SNX1: variants seen among roughly 807,000 people sequenced by gnomAD.
The protein encoded by SNX1 is sorting nexin 1, also known as sorting nexin-1.
In SNX1, 36 loss-of-function variants were observed where a neutral mutation model predicts 71.8. The observed-to-expected ratio is 0.50, with a 90% CI of 0.38 to 0.66. The LOEUF (loss-of-function observed/expected upper bound fraction) is 0.66. Among genes scored for constraint, SNX1 ranks in the 30% least tolerant of loss-of-function variants. SNX1 has a pLI of 0.00. For missense variants in SNX1, 612 were observed against 646.7 expected (o/e 0.95, Z 0.58); for synonymous variants, 254 against 240.7 (o/e 1.06, Z -0.51).
intron 2 of SNX1, 86 bp downstream of exon 2, chr15:64,112,770 A>C: frequency 1.3e-6 from 1 of 775,950 alleles, no homozygotes; most frequent in Non-Finnish European, 2.1e-6. Context: ...AAAAAAAAAA[A>C]AAGTATTGGG....
At chr15:64,131,031 T>C (rs1178359730) in intron 10 of SNX1, among the ~76,000 whole-genome samples, 1 of 152,206 alleles carries the variant, frequency 6.6e-6, no homozygotes, top group Non-Finnish European at 1.5e-5. Flanking sequence ...ACGCCTGTAA[T>C]CCCAGCAATT....
chr15:64,099,990 G>A (rs907865018), intron 1 of SNX1, among the ~76,000 whole-genome samples: 2 of 152,228 alleles, frequency 1.3e-5, no homozygotes, highest in Admixed American at 6.5e-5. Context: ...GGGATTACAG[G>A]CATGAGCCAC....
rs60616312 is a variant in SNX1, at chr15:64,102,761, C to CTTTTTTT, written c.159+6608_159+6614dup. Among the ~76,000 whole-genome samples, 34 of 76,426 alleles carry CTTTTTTT rather than the reference C, an allele frequency of 4.4e-4. 1 individual carries two copies. The highest frequency in any genetic ancestry group is 1.3e-3 in the South Asian group (2 of 1,596). The allele number at this position is 76,426 out of a possible 152,430, so 50.1% of individuals were successfully genotyped here. A position where few individuals can be genotyped will look rare whatever the true frequency, so the allele number is the denominator to read the frequency against. ...CCATTTTGTATATATACCACGCCTT[C>CTTTTTTT]TTTTTTTTTTTTTTTTTTTTTTTTT... On this transcript the variant is annotated intron_variant, in intron 1 of 14. Transcript: ENST00000559844.
Position 64,134,385 on chromosome 15 carries a change from T to C in SNX1, c.1222-279T>C, listed in dbSNP as rs2081336190. On this transcript the variant is annotated intron_variant, in intron 11 of 14. Coordinates refer to ENST00000559844, the MANE Select transcript of SNX1 (RefSeq NM_003099.5). This position sits in a 1 kb window ranked among gnomAD's most constrained non-coding sequence, Gnocchi z 4.1. ...GGAGGCACTTCTGTAAGCCATAGTA[T>C]TGGTCACTGGCATGAGGCCACCTAC... 3 of 420,272 alleles carry C rather than the reference T, an allele frequency of 7.1e-6. No individual in the cohort carries two copies. The highest frequency in any genetic ancestry group is 4.4e-5 in the East Asian group (1 of 22,826). The allele number at this position is 420,272 out of a possible 1,614,324, so 26.0% of individuals were successfully genotyped here. A position where few individuals can be genotyped will look rare whatever the true frequency, so the allele number is the denominator to read the frequency against.
intron 5 of SNX1, among the ~76,000 whole-genome samples, chr15:64,123,823 T>A (rs2140150090): frequency 6.6e-6 from 1 of 152,262 alleles, no homozygotes; most frequent in South Asian, 2.1e-4. Flanking sequence ...AACCATGTGG[T>A]TTGGAGCTAG....
chr15:64,123,841 G>T (rs1185581170), intron 5 of SNX1, among the ~76,000 whole-genome samples: 1 of 152,196 alleles, frequency 6.6e-6, no homozygotes, highest in Non-Finnish European at 1.5e-5. Flanking sequence ...TAGATTCACA[G>T]ATTGCCCTAA....
At chr15:64,119,755 A>AC (rs1567324958) in intron 4 of SNX1, among the ~76,000 whole-genome samples, 18 of 144,632 alleles carry the variant, frequency 1.2e-4, no homozygotes, top group African/African-American at 2.9e-4. Flanking sequence ...CACACACACA[A>AC]AAAACATTAT....
chr15:64,127,364 T>C (rs2081264570), intron 7 of SNX1, 112 bp downstream of exon 7: 1 of 822,106 alleles, frequency 1.2e-6, no homozygotes, highest in Admixed American at 2.8e-5. Context: ...GTGAATAAAT[T>C]GAAGTTGCAC....
At position 64,138,316 on chromosome 15, in the gene SNX1, T is replaced by TCA; in HGVS notation, c.*699_*700insAC. 8.3e-6 allele frequency: 7 copies of TCA among 846,112 alleles called. No individual in the cohort carries two copies. The highest frequency in any genetic ancestry group is 4.4e-5 in the African/African-American group (2 of 44,954). 52.4% of individuals were successfully genotyped at this position (846,112 alleles called of 1,614,324 possible). ...TCTCCTGCAAAGGAGGCAGAGACTT[T>TCA]CTCTCTCTCTTTTTTTTTTTTTTTT... On this transcript the variant is annotated 3_prime_UTR_variant, in exon 15 of 15. Transcript: ENST00000559844.
chr15:64,132,983 A>G (rs1307866981), intron 11 of SNX1, among the ~76,000 whole-genome samples: 4 of 152,208 alleles, frequency 2.6e-5, no homozygotes, highest in Non-Finnish European at 4.4e-5. Flanking sequence ...TATGAGGAGC[A>G]TTGTTTGGGG....
intron 1 of SNX1, among the ~76,000 whole-genome samples, chr15:64,102,557 A>G (rs2080973637): frequency 6.6e-6 from 1 of 152,018 alleles, no homozygotes; most frequent in South Asian, 2.1e-4. Flanking sequence ...GCTTCTGGGA[A>G]TCACCATTGT....
At position 64,131,834 on chromosome 15, in the gene SNX1, A is replaced by G. The variant is rs1188593213; in HGVS notation, c.1163A>G (p.Asp388Gly). ...CTCCACCAGGAACAGGCCAACAATG[A>G]CTTCTTCCTCCTTGCTGAGCTCCTG... ...EQLHQEQANN[D>G]FFLLAELLSD... Residue 388 changes from aspartate (D) to glycine (G), a missense_variant, in exon 11 of 15, where the codon GAC (aspartate) becomes GGC (glycine). By Grantham distance (94) the Asp-to-Gly change is moderately conservative (BLOSUM62 -1). Coordinates refer to ENST00000559844, the MANE Select transcript of SNX1 (RefSeq NM_003099.5). 6.2e-7 allele frequency: 1 copy of G among 1,614,030 alleles called. No individual in the cohort carries two copies. The highest frequency in any genetic ancestry group is 1.7e-5 in the Admixed American group (1 of 60,008).
Position 64,142,437 on chromosome 15 carries a change from T to G in SNX1, c.*4819T>G, listed in dbSNP as rs2081424126. 3.2e-6 allele frequency: 1 copy of G among 313,096 alleles called. No individual in the cohort carries two copies. Among genetic ancestry groups the G allele is most frequent in the African/African-American group, 2.2e-5 (1 of 45,612 alleles). 19.4% of individuals were successfully genotyped at this position (313,096 alleles called of 1,614,324 possible). ...AAAGGTGGGACAAACTTAAGCATGTTAATAAAATTCAGAGAAGAGAAAGAG... is the reference window on the plus strand; with the variant it reads ...AAAGGTGGGACAAACTTAAGCATGTGAATAAAATTCAGAGAAGAGAAAGAG... On this transcript the variant is annotated 3_prime_UTR_variant, in exon 15 of 15. Transcript: ENST00000559844.
intron 2 of SNX1, among the ~76,000 whole-genome samples, chr15:64,116,194 G>A (rs1266620181): frequency 1.3e-5 from 2 of 152,124 alleles, no homozygotes; most frequent in South Asian, 4.1e-4. Context: ...GAAAATCATA[G>A]GAAGGGAAAT....
intron 1 of SNX1, chr15:64,111,592 G>A (rs2081078662): frequency 6.6e-6 from 1 of 152,152 alleles, no homozygotes; most frequent in Non-Finnish European, 1.5e-5. Flanking sequence ...TCTGAAATCT[G>A]TCCCCAATAT....
rs551078921 is a variant in SNX1 at position 64,129,024 on chromosome 15, A to T, written c.808-892A>T. ...CACTTTGGGAGGCTGAGGCAGGAGG[A>T]TCACCTGAGGTCAGGAGTTCGAGAC... On this transcript the variant is annotated intron_variant, in intron 8 of 14. Transcript: ENST00000559844. The surrounding 1 kb of genome is among the most constrained non-coding windows in gnomAD (Gnocchi z 4.4). 6.6e-6 allele frequency among the ~76,000 whole-genome samples: 1 copy of T among 152,292 alleles called. No individual in the cohort carries two copies. The highest frequency in any genetic ancestry group is 1.9e-4 in the East Asian group (1 of 5,186).
intron 1 of SNX1, among the ~76,000 whole-genome samples, chr15:64,103,647 C>A (rs2140131733): frequency 6.6e-6 from 1 of 152,234 alleles, no homozygotes; most frequent in East Asian, 1.9e-4. Flanking sequence ...TAACTATAAA[C>A]AGTTTATTTC....
chr15:64,121,548 C>A (rs576750116), intron 4 of SNX1, among the ~76,000 whole-genome samples: 1 of 152,280 alleles, frequency 6.6e-6, no homozygotes, highest in African/African-American at 2.4e-5. Context: ...GTAGGGCCCA[C>A]CCTAATGTCT....
In SNX1 at chr15:64,129,085, A is replaced by G. The variant is rs2081281280; in HGVS notation, c.808-831A>G. ...AACATGGCAAAATCCTGTCTCTACT[A>G]AAAATACAAAAATTAGCGGGTCGTG... On this transcript the variant is annotated intron_variant, in intron 8 of 14. Transcript: ENST00000559844. This position sits in a 1 kb window ranked among gnomAD's most constrained non-coding sequence, Gnocchi z 4.4. Among the ~76,000 whole-genome samples, 1 of 152,040 alleles carries G rather than the reference A, an allele frequency of 6.6e-6. No individual in the cohort carries two copies. The highest frequency in any genetic ancestry group is 2.1e-4 in the South Asian group (1 of 4,808).
Sources: gnomAD v4.1 joint callset for allele counts (sites outside exome capture counted in the v4.1 genomes callset) on GRCh38, gnomAD v4.1.1 for gene constraint, Gnocchi (gnomAD v3.1) non-coding constraint, MANE v1.5 for transcripts, NCBI Gene and HGNC (gene_info 2026-07-23, HGNC 2026-07-21) for gene names.